The following WDR49 variants were observed in gnomAD, a reference collection of about 807,000 sequenced individuals.
WDR49 encodes the protein cilia- and flagella-associated protein 337.
A neutral mutation model predicts 119.5 loss-of-function variants in WDR49; 107 were observed. The observed-to-expected ratio is 0.90, with a 90% CI of 0.77 to 1.05. WDR49 has a LOEUF of 1.05. WDR49 is among the 50% of genes least tolerant of loss of function. The pLI is 0.00. For missense variants in WDR49, 1,240 were observed against 1,220.5 expected, an observed-to-expected ratio of 1.02 and a Z score of -0.24; for synonymous variants, 425 against 418.8, an observed-to-expected ratio of 1.01 and a Z score of -0.18.
At chr3:167,553,878 T>C (rs1577235860) in intron 10 of WDR49, among the ~76,000 whole-genome samples, 1 of 152,220 alleles carries the variant, frequency 6.6e-6, no homozygotes, top group African/African-American at 2.4e-5. Flanking sequence ...AAAAAACTCT[T>C]CCCTGTGATT....
intron 8 of WDR49, among the ~76,000 whole-genome samples, chr3:167,571,292 A>G (rs914250516): frequency 1.3e-5 from 2 of 152,198 alleles, no homozygotes; most frequent in South Asian, 4.1e-4. Flanking sequence ...ATCTCTTGGA[A>G]TAAGCCAGGT....
At chr3:167,548,215 A>G (rs1282069349) in intron 10 of WDR49, among the ~76,000 whole-genome samples, 1 of 152,024 alleles carries the variant, frequency 6.6e-6, no homozygotes, top group Admixed American at 6.6e-5. Flanking sequence ...CTAAAATTAA[A>G]GAATTATACA....
At chr3:167,517,866 T>C (rs1577212023) in intron 16 of WDR49, among the ~76,000 whole-genome samples, 2 of 152,164 alleles carry the variant, frequency 1.3e-5, no homozygotes, top group African/African-American at 4.8e-5. Context: ...TTATATCTCC[T>C]AATGCTATCC....
intron 7 of WDR49, among the ~76,000 whole-genome samples, chr3:167,594,472 G>A (rs1177671292): frequency 6.6e-6 from 1 of 152,154 alleles, no homozygotes; most frequent in African/African-American, 2.4e-5. Context: ...GTATCTGGCA[G>A]AAGACATTTC....
At chr3:167,598,120 C>T (rs1715580975) in intron 7 of WDR49, among the ~76,000 whole-genome samples, 3 of 151,956 alleles carry the variant, frequency 2.0e-5, no homozygotes, top group African/African-American at 7.3e-5. Context: ...TCTTGGCTAA[C>T]ATGGTGAACC....
intron 18 of WDR49, 78 bp downstream of exon 18, chr3:167,500,075 A>AAACACACAG: frequency 7.1e-7 from 1 of 1,400,924 alleles, no homozygotes; most frequent in South Asian, 1.7e-5. Flanking sequence ...TGTTATTTTC[A>AAACACACAG]TGCTCTTCTA....
At chr3:167,596,819 A>G (rs1358494456) in intron 7 of WDR49, among the ~76,000 whole-genome samples, 7 of 151,716 alleles carry the variant, frequency 4.6e-5, no homozygotes, top group African/African-American at 1.7e-4. Flanking sequence ...ATATATACAT[A>G]TGTAACTAAC....
intron 13 of WDR49, among the ~76,000 whole-genome samples, chr3:167,530,469 G>A (rs1362630804): frequency 6.6e-6 from 1 of 151,712 alleles, no homozygotes; most frequent in East Asian, 1.9e-4. Context: ...AAAAAATTAA[G>A]CAAATGGTTA....
chr3:167,479,011 G>A lies in WDR49; in HGVS notation c.3032-15C>T. 6.5e-7 allele frequency: 1 copy of A among 1,533,602 alleles called. No homozygotes were observed. Among genetic ancestry groups the A allele is most frequent in the Non-Finnish European group, 8.9e-7 (1 of 1,122,398 alleles). The allele number at this position is 1,533,602 out of a possible 1,614,324, so 95.0% of individuals were successfully genotyped here. ...AGCTTTCAAAGCTACAAAATGATGA[G>A]GAAAATCACAAGTGAATTATATTTG... On this transcript the variant is annotated splice_polypyrimidine_tract_variant and intron_variant, in intron 18 of 18. Coordinates refer to ENST00000682715, the MANE Select transcript of WDR49 (RefSeq NM_001366157.1).
At chr3:167,595,705 T>C (rs1354600080) in intron 7 of WDR49, among the ~76,000 whole-genome samples, 7 of 152,118 alleles carry the variant, frequency 4.6e-5, no homozygotes, top group East Asian at 1.9e-4. Context: ...TTACACCTTA[T>C]ACAAAAATCA....
At chr3:167,592,248 A>C (rs569672127) in intron 7 of WDR49, among the ~76,000 whole-genome samples, 1 of 152,022 alleles carries the variant, frequency 6.6e-6, no homozygotes, top group Non-Finnish European at 1.5e-5. Flanking sequence ...GTTTCTATTT[A>C]TATCTTATTG....
intron 18 of WDR49, among the ~76,000 whole-genome samples, chr3:167,492,899 C>T (rs964353779): frequency 6.8e-5 from 10 of 146,796 alleles, no homozygotes; most frequent in African/African-American, 1.7e-4. Context: ...CCCAACATGA[C>T]GTAGAAGGAC....
intron 11 of WDR49, 62 bp from the exon 12 acceptor site, chr3:167,533,039 C>G: frequency 8.1e-7 from 1 of 1,241,426 alleles, no homozygotes; most frequent in Non-Finnish European, 1.1e-6. Context: ...ATATGAGCAA[C>G]AGCAATCAGA....
At chr3:167,560,603 AT>A (rs1365916925) in intron 8 of WDR49, among the ~76,000 whole-genome samples, 1 of 152,194 alleles carries the variant, frequency 6.6e-6, no homozygotes, top group Non-Finnish European at 1.5e-5. Context: ...GAAAAGAAAC[AT>A]TTTATAATAT....
chr3:167,588,948 C>T (rs1006326202), intron 7 of WDR49, among the ~76,000 whole-genome samples: 2 of 151,472 alleles, frequency 1.3e-5, no homozygotes, highest in Non-Finnish European at 2.9e-5. Context: ...TTAATGTGAT[C>T]CCACTCATCC....
chr3:167,637,814 G>A (rs1717692471), intron 2 of WDR49, among the ~76,000 whole-genome samples: 1 of 151,612 alleles, frequency 6.6e-6, no homozygotes. Context: ...TGCTTTTGGT[G>A]TATAGAAGTG....
chr3:167,538,929 A>C (rs923110957), intron 10 of WDR49, among the ~76,000 whole-genome samples: 14 of 152,156 alleles, frequency 9.2e-5, no homozygotes, highest in Admixed American at 2.0e-4. Context: ...GATAAAATTC[A>C]AATGTGGAGC....
intron 7 of WDR49, among the ~76,000 whole-genome samples, chr3:167,585,965 G>T (rs899083651): frequency 6.6e-6 from 1 of 152,054 alleles, no homozygotes; most frequent in Non-Finnish European, 1.5e-5. Flanking sequence ...TACTTTAAAT[G>T]AAAATCCTTT....
rs571750317 is a variant in WDR49, at chr3:167,529,127, A to C, written c.2331T>G (p.Ile777Met). The C allele has an allele frequency of 3.8e-5, 62 of 1,611,972 alleles. 1 individual carries two copies. The South Asian group carries it at 5.4e-4, about 14-fold the overall frequency. The change falls in exon 14 of 19, where the codon ATT becomes ATG. Residue 777 changes from isoleucine to methionine, a missense_variant. Transcript: ENST00000682715. ...ATCGATTCATCTTATCAGTAGACAT[A>C]ATAATCGATCCAACTCCACTATGAG... ...FLAHSGVGSI[I>M]MSTDKMNRYL... is the part of the protein sequence containing the mutation.
Sources: allele counts gnomAD v4.1 joint callset (sites outside exome capture counted in the v4.1 genomes callset), GRCh38; gene constraint gnomAD v4.1.1; transcripts MANE v1.5; gene names NCBI Gene and HGNC (gene_info 2026-07-23, HGNC 2026-07-21).